Variants in ZNF407 observed in about 807,000 individuals in gnomAD.
ZNF407 encodes the protein zinc finger protein 407.
Under a neutral mutation model 131.2 loss-of-function variants are expected in ZNF407, and 17 were observed. The observed-to-expected ratio is 0.13, with a 90% CI of 0.09 to 0.19. The LOEUF (loss-of-function observed/expected upper bound fraction) is 0.19. Among genes scored for constraint, ZNF407 ranks in the 10% least tolerant of loss-of-function variants. The pLI, the probability that ZNF407 is intolerant of heterozygous loss-of-function variation, is 1.00. For missense variants in ZNF407, 2,681 were observed against 2,830.6 expected, an observed-to-expected ratio of 0.95 and a Z score of 1.20; for synonymous variants, 1,156 against 1,062.0, an observed-to-expected ratio of 1.09 and a Z score of -1.72.
At chr18:74,611,560 C>G (rs990014310) in intron 1 of ZNF407, among the ~76,000 whole-genome samples, 2 of 152,098 alleles carry the variant, frequency 1.3e-5, no homozygotes, top group African/African-American at 4.8e-5. Context: ...TAGTTTCTTA[C>G]ACATTAGATT....
chr18:74,687,008 A>G (rs1967111095), intron 3 of ZNF407, among the ~76,000 whole-genome samples: 1 of 152,204 alleles, frequency 6.6e-6, no homozygotes, highest in South Asian at 2.1e-4. Context: ...GCTGGTTCTC[A>G]TGGAATTTAC....
At chr18:74,604,632 G>A (rs534470618) in intron 1 of ZNF407, among the ~76,000 whole-genome samples, 1 of 152,346 alleles carries the variant, frequency 6.6e-6, no homozygotes, top group African/African-American at 2.4e-5. Context: ...GGGAGCAAGT[G>A]TTTTTGAACA....
chr18:74,695,328 A>G (rs1211385437), intron 3 of ZNF407, among the ~76,000 whole-genome samples: 1 of 152,156 alleles, frequency 6.6e-6, no homozygotes, highest in African/African-American at 2.4e-5. Context: ...ATGGGGTGCA[A>G]TACCCTGCTT....
chr18:74,792,670 A>G (rs1599157586), intron 4 of ZNF407, among the ~76,000 whole-genome samples: 1 of 152,096 alleles, frequency 6.6e-6, no homozygotes, highest in South Asian at 2.1e-4. Flanking sequence ...CAAAGTTTCA[A>G]TGTGTTCAAA....
At chr18:74,824,395 A>T (rs1475221914) in intron 4 of ZNF407, among the ~76,000 whole-genome samples, 1 of 152,190 alleles carries the variant, frequency 6.6e-6, no homozygotes, top group Non-Finnish European at 1.5e-5. Flanking sequence ...AGACAGGAAA[A>T]TCCCTTCAAA....
chr18:75,034,030 T>C (rs916748900), intron 8 of ZNF407, among the ~76,000 whole-genome samples: 1 of 152,232 alleles, frequency 6.6e-6, no homozygotes, highest in Non-Finnish European at 1.5e-5. Context: ...TCCATAATCC[T>C]GATAATCAGA....
At chr18:74,688,765 C>G (rs1410407114) in intron 3 of ZNF407, among the ~76,000 whole-genome samples, 1 of 152,026 alleles carries the variant, frequency 6.6e-6, no homozygotes, top group East Asian at 1.9e-4. Flanking sequence ...TGCATTGAGT[C>G]TACAGGACAG....
At chr18:74,688,288 C>T (rs1967142063) in intron 3 of ZNF407, among the ~76,000 whole-genome samples, 1 of 152,116 alleles carries the variant, frequency 6.6e-6, no homozygotes, top group Non-Finnish European at 1.5e-5. Context: ...GAATACACAA[C>T]AAATAAATTG....
At chr18:74,941,615 A>C (rs934582816) in intron 8 of ZNF407, among the ~76,000 whole-genome samples, 5 of 152,244 alleles carry the variant, frequency 3.3e-5, no homozygotes, top group African/African-American at 1.2e-4. Flanking sequence ...AGAGTTGCTG[A>C]GAATGGTATT....
intron 4 of ZNF407, among the ~76,000 whole-genome samples, chr18:74,796,643 T>C (rs1325925602): frequency 1.3e-5 from 2 of 152,186 alleles, no homozygotes; most frequent in Non-Finnish European, 2.9e-5. Flanking sequence ...CTGTGTATGC[T>C]TGTGAAATGT....
chr18:74,607,707 G>T (rs1363396250), intron 1 of ZNF407, among the ~76,000 whole-genome samples: 1 of 149,694 alleles, frequency 6.7e-6, no homozygotes, highest in Non-Finnish European at 1.5e-5. Flanking sequence ...ACTTTTCTTT[G>T]TTATTTTGTG....
intron 8 of ZNF407, among the ~76,000 whole-genome samples, chr18:74,962,525 A>G (rs1388109814): frequency 2.6e-5 from 4 of 151,506 alleles, no homozygotes; most frequent in Non-Finnish European, 4.4e-5. Context: ...CCCTTTGTGA[A>G]CTGACCCCCG....
intron 3 of ZNF407, among the ~76,000 whole-genome samples, chr18:74,642,184 T>C (rs1984753883): frequency 1.3e-5 from 2 of 152,186 alleles, no homozygotes; most frequent in South Asian, 4.1e-4. Context: ...GCAAGCACTT[T>C]TATGAACCAT....
At chr18:74,698,325 A>C (rs1967408673) in intron 3 of ZNF407, among the ~76,000 whole-genome samples, 1 of 152,206 alleles carries the variant, frequency 6.6e-6, no homozygotes, top group African/African-American at 2.4e-5. Context: ...TTATTTTAAG[A>C]TGGACATATC....
chr18:74,995,320 T>C (rs9959754), intron 8 of ZNF407, among the ~76,000 whole-genome samples: 36,854 of 151,416 alleles, frequency 0.24, 5,585 homozygotes, highest in African/African-American at 0.41. Context: ...GTGTGGAGAG[T>C]GGCCAGAGGG....
rs944013720 is a variant in ZNF407, at chr18:74,632,155, G to A, written c.1136G>A (p.Ser379Asn). Residue 379 changes from serine (S) to asparagine (N), a missense_variant, in exon 2 of 9, where the codon AGT becomes AAT. Physicochemically the swap from Ser to Asn is conservative, Grantham distance 46 (BLOSUM62 1). Around this residue, in one of 6 missense-constraint regions of ZNF407, gnomAD observed 1,789 missense variants for 1,748.7 expected, o/e 1.02. Transcript: ENST00000299687. ...LGLAQNPENQ[S>N]RKLDTLVTSE... ...CTAGCTCAGAATCCTGAAAACCAGA[G>A]TAGAAAGCTAGACACCTTAGTAACC... The A allele has an allele frequency of 3.1e-6, 5 of 1,613,854 alleles. 1 individual carries two copies. In the African/African-American group the frequency reaches 5.3e-5, roughly 17 times the overall value.
At chr18:75,018,590 A>G (rs9953847) in intron 8 of ZNF407, among the ~76,000 whole-genome samples, 137,148 of 151,668 alleles carry the variant, frequency 0.9, 63,162 homozygotes, top group East Asian at 1. Flanking sequence ...GTAGAAAACA[A>G]GAAAAATAAA....
Position 74,619,043 on chromosome 18 carries a change from C to T in ZNF407, c.-53-11924C>T, listed in dbSNP as rs991134624. ...TTAGTTGTCGTATTTCATCTCTTCT[C>T]ATGGACCCAGTGAATCTAAGCAAGA... On this transcript the variant is annotated intron_variant, in intron 1 of 8. Coordinates refer to ENST00000299687, the MANE Select transcript of ZNF407 (RefSeq NM_017757.3). Among the ~76,000 whole-genome samples, 7 of 152,298 alleles carry T rather than the reference C, an allele frequency of 4.6e-5. No individual in the cohort carries two copies. The East Asian group carries it at 1.3e-3, about 29-fold the overall frequency.
At chr18:75,010,683 C>A (rs918197762) in intron 8 of ZNF407, among the ~76,000 whole-genome samples, 1 of 152,118 alleles carries the variant, frequency 6.6e-6, no homozygotes, top group Non-Finnish European at 1.5e-5. Context: ...CATGGTGAAA[C>A]CAGAAGGAAC....
Sources: gnomAD v4.1 joint callset for allele counts (sites outside exome capture counted in the v4.1 genomes callset) on GRCh38, gnomAD v4.1.1 for gene constraint, gnomAD v4.1.1 regional missense constraint, MANE v1.5 for transcripts, NCBI Gene and HGNC (gene_info 2026-07-23, HGNC 2026-07-21) for gene names.